SEL1L3: variants seen among roughly 807,000 people sequenced by gnomAD.
SEL1L3 encodes the protein SEL1L family member 3, also known as protein sel-1 homolog 3.
SEL1L3 carries 76 observed loss-of-function variants against 142.8 expected under a neutral mutation model. The observed-to-expected ratio is 0.53, with a 90% CI of 0.44 to 0.64. The LOEUF is 0.64. Ranked by LOEUF, SEL1L3 falls within the 30% of genes least tolerant of loss-of-function variation. SEL1L3 has a pLI of 0.00. For missense variants in SEL1L3, 1,262 were observed against 1,381.7 expected (o/e 0.91, Z 1.37); for synonymous variants, 504 against 519.6 (o/e 0.97, Z 0.41).
the SEL1L3 span, among the ~76,000 whole-genome samples, chr4:25,735,988 C>T: frequency 2.6e-5 from 4 of 151,672 alleles, no homozygotes; most frequent in Non-Finnish European, 5.9e-5. Flanking sequence ...CGCCACCACG[C>T]CTGGCTAATA....
At chr4:25,784,349 A>G (rs1711636703) in intron 13 of SEL1L3, 59 bp from the exon 14 acceptor site, 1 of 1,277,316 alleles carries the variant, frequency 7.8e-7, no homozygotes, top group East Asian at 2.3e-5. Context: ...GCACACATAC[A>G]GACACTTTAG....
intron 9 of SEL1L3, among the ~76,000 whole-genome samples, chr4:25,816,943 C>T (rs970129896): frequency 7.2e-5 from 11 of 152,304 alleles, no homozygotes; most frequent in South Asian, 6.2e-4. Flanking sequence ...ACACCTCAGC[C>T]CTCCAGGTAG....
chr4:25,726,123 G>A, the SEL1L3 span, among the ~76,000 whole-genome samples: 3 of 151,852 alleles, frequency 2.0e-5, no homozygotes, highest in African/African-American at 7.3e-5. Flanking sequence ...CCAGGTCAGA[G>A]TATCAGTTCT....
chr4:25,778,606 AGAT>A (rs1719795555), intron 16 of SEL1L3, among the ~76,000 whole-genome samples: 1 of 152,162 alleles, frequency 6.6e-6, no homozygotes, highest in Non-Finnish European at 1.5e-5. Context: ...CTTATTGGGA[AGAT>A]GAAAGATGGC....
At chr4:25,767,346 G>A (rs1718815141) in intron 19 of SEL1L3, among the ~76,000 whole-genome samples, 179 bp downstream of exon 19, 2 of 152,272 alleles carry the variant, frequency 1.3e-5, no homozygotes, top group Middle Eastern at 3.4e-3. Context: ...AATGGGTGAG[G>A]AGTAGTGCAT....
At position 25,835,331 on chromosome 4, in the gene SEL1L3, C is replaced by G; in HGVS notation, c.734-8G>C. On this transcript the variant is annotated splice_polypyrimidine_tract_variant and splice_region_variant and intron_variant, in intron 2 of 23. Transcript: ENST00000399878. ...CAAGCAGGGCAACCACATCTGCAAA[C>G]AGCAAAATGGCTCCCTTTCAATTAT... 6.2e-7 allele frequency: 1 copy of G among 1,613,122 alleles called. No homozygotes were observed.
chr4:25,751,351 CT>C (rs905814311), intron 23 of SEL1L3, among the ~76,000 whole-genome samples: 3 of 152,046 alleles, frequency 2.0e-5, no homozygotes, highest in Non-Finnish European at 4.4e-5. Flanking sequence ...GAAATGAAGA[CT>C]TGGGAGAAGA....
chr4:25,726,392 G>A, the SEL1L3 span, among the ~76,000 whole-genome samples: 1 of 151,960 alleles, frequency 6.6e-6, no homozygotes, highest in Non-Finnish European at 1.5e-5. Context: ...GCTGTGCGTG[G>A]TGGTGTGCGC....
At chr4:25,792,460 T>A (rs1712413487) in intron 11 of SEL1L3, among the ~76,000 whole-genome samples, 1 of 152,188 alleles carries the variant, frequency 6.6e-6, no homozygotes, top group Non-Finnish European at 1.5e-5. Context: ...TTGGCCAAGC[T>A]TATGGCCAGT....
At chr4:25,764,165 A>T (rs1718567189) in intron 20 of SEL1L3, among the ~76,000 whole-genome samples, 1 of 152,224 alleles carries the variant, frequency 6.6e-6, no homozygotes, top group African/African-American at 2.4e-5. Flanking sequence ...CCAAATCAAC[A>T]GACATTCTAC....
intron 1 of SEL1L3, among the ~76,000 whole-genome samples, chr4:25,857,573 G>A (rs1162885552): frequency 4.6e-5 from 7 of 152,290 alleles, no homozygotes; most frequent in Admixed American, 1.3e-4. Flanking sequence ...CCCACAGAGG[G>A]AGACAGCATC....
At chr4:25,854,016 A>G (rs1577702234) in intron 1 of SEL1L3, among the ~76,000 whole-genome samples, 1 of 152,146 alleles carries the variant, frequency 6.6e-6, no homozygotes, top group Non-Finnish European at 1.5e-5. Context: ...TTAAAATGAT[A>G]TATGTGGCTT....
chr4:25,804,757 A>T lies in SEL1L3; in HGVS notation c.1565-5T>A. On this transcript the variant is annotated splice_region_variant and splice_polypyrimidine_tract_variant and intron_variant, in intron 9 of 23. Coordinates refer to ENST00000399878, the MANE Select transcript of SEL1L3 (RefSeq NM_015187.5). ...ATTCATTTTGGTTCCTTGGCACTGT[A>T]AATAACACAATTCAGAGCACACACA... The T allele has an allele frequency of 6.3e-7, 1 of 1,590,920 alleles. No homozygotes were observed. Among genetic ancestry groups the T allele is most frequent in the Middle Eastern group, 1.9e-4 (1 of 5,404 alleles).
chr4:25,825,147 G>A (rs1055547666), intron 6 of SEL1L3, among the ~76,000 whole-genome samples: 6 of 152,134 alleles, frequency 3.9e-5, no homozygotes, highest in Non-Finnish European at 5.9e-5. Context: ...CATTAACTGA[G>A]TTTTTCAACA....
At chr4:25,847,232 G>A (rs992587615) in intron 2 of SEL1L3, 62 bp downstream of exon 2, 4 of 1,372,708 alleles carry the variant, frequency 2.9e-6, no homozygotes, top group Non-Finnish European at 3.0e-6. Context: ...CTTGCCATTC[G>A]ATCATGATAC....
the SEL1L3 span, among the ~76,000 whole-genome samples, chr4:25,722,607 T>C: frequency 7.1e-6 from 1 of 140,352 alleles, no homozygotes; most frequent in Non-Finnish European, 1.5e-5. Context: ...ACAAGATACA[T>C]GCAGCTCCAA....
In SEL1L3 at chr4:25,830,217, G is replaced by T. The variant is rs11932104; in HGVS notation, c.1099-61C>A. On this transcript the variant is annotated intron_variant, in intron 5 of 23. Transcript: ENST00000399878. ...CTCATCACCCTACATTACCTATGCA[G>T]TCCTTTGTGTAAATTACTCATGATA... 1.3e-5 allele frequency: 14 copies of T among 1,045,178 alleles called. No individual in the cohort carries two copies. The African/African-American group carries it at 1.9e-4, about 14-fold the overall frequency. 64.7% of individuals were successfully genotyped at this position (1,045,178 alleles called of 1,614,324 possible).
the SEL1L3 span, among the ~76,000 whole-genome samples, chr4:25,714,778 C>T: frequency 2.6e-5 from 4 of 151,820 alleles, no homozygotes; most frequent in South Asian, 2.1e-4. Context: ...CTCCATTTTG[C>T]CCAGGCTGGT....
At chr4:25,739,560 C>A in the SEL1L3 span, among the ~76,000 whole-genome samples, 14 of 152,046 alleles carry the variant, frequency 9.2e-5, no homozygotes, top group African/African-American at 2.4e-5. Context: ...CAAAAGTCAG[C>A]TGGGCATGGT....
Sources: gnomAD v4.1 joint callset for allele counts (sites outside exome capture counted in the v4.1 genomes callset) on GRCh38, gnomAD v4.1.1 for gene constraint, MANE v1.5 for transcripts, NCBI Gene and HGNC (gene_info 2026-07-23, HGNC 2026-07-21) for gene names.